Variants in SPHKAP observed in about 807,000 individuals in gnomAD.
SPHKAP encodes SPHK1 interactor, AKAP domain containing.
A neutral mutation model predicts 137.5 loss-of-function variants in SPHKAP; 67 were observed. That is an observed-to-expected ratio of 0.49 (90% CI 0.40 to 0.60). SPHKAP has a LOEUF of 0.60. Among genes scored for constraint, SPHKAP ranks in the 20% least tolerant of loss-of-function variants. SPHKAP has a pLI of 0.00. For synonymous variants in SPHKAP, 813 were observed against 785.3 expected (o/e 1.04, Z -0.59); for missense variants, 2,097 against 2,069.3 (o/e 1.01, Z -0.26).
At position 228,019,072 on chromosome 2, in the gene SPHKAP, C is replaced by T; in HGVS notation, c.1782G>A (p.Glu594=). 1 of 1,614,090 alleles carries T rather than the reference C, an allele frequency of 6.2e-7. No individual in the cohort carries two copies. The highest frequency in any genetic ancestry group is 1.1e-5 in the South Asian group (1 of 91,074). The change falls in exon 7 of 12, where the codon GAG becomes GAA. Residue 594 remains glutamate, a synonymous_variant. Transcript: ENST00000392056. ...AAAGTGGGGGCATGGCTTCAGAAGC[C>T]TCAGCTGCAGGCGGGAGGCTACCAC... ...APSGSLPPAA[E]ASEAMPPLCG... is the part of the protein sequence containing the mutation.
chr2:228,181,445 C>T lies in SPHKAP; in HGVS notation c.32+122G>A. 3 of 1,364,852 alleles carry T rather than the reference C, an allele frequency of 2.2e-6. No homozygotes were observed. The highest frequency in any genetic ancestry group is 2.3e-5 in the South Asian group (2 of 85,602). 84.5% of individuals were successfully genotyped at this position (1,364,852 alleles called of 1,614,324 possible). A position where few individuals can be genotyped will look rare whatever the true frequency, so the allele number is the denominator to read the frequency against. ...GACTTATTTACAAGTGCAGTGACCC[C>T]TGTCTCCTCGCTGGGAGCCCCGTGC... is the stretch of plus-strand genomic sequence containing the variant. On this transcript the variant is annotated intron_variant, in intron 1 of 11. Transcript: ENST00000392056. The surrounding 1 kb of genome is among the most constrained non-coding windows in gnomAD (Gnocchi z 4.3).
chr2:228,097,236 T>C (rs1698015375), intron 3 of SPHKAP, among the ~76,000 whole-genome samples: 1 of 152,206 alleles, frequency 6.6e-6, no homozygotes, highest in African/African-American at 2.4e-5. Context: ...CTTGAAGCTA[T>C]TCTGAGCTAT....
At chr2:228,139,671 G>A (rs955519362) in intron 1 of SPHKAP, among the ~76,000 whole-genome samples, 3 of 152,126 alleles carry the variant, frequency 2.0e-5, no homozygotes, top group Admixed American at 1.3e-4. Flanking sequence ...AAGTGAGCAT[G>A]ATAACTTAGC....
At chr2:228,122,418 C>A (rs548861495) in intron 2 of SPHKAP, among the ~76,000 whole-genome samples, 1 of 152,282 alleles carries the variant, frequency 6.6e-6, no homozygotes, top group Non-Finnish European at 1.5e-5. Flanking sequence ...GGACTGTCAC[C>A]ACTGTACAGA....
intron 2 of SPHKAP, among the ~76,000 whole-genome samples, chr2:228,115,657 T>C (rs1472983701): frequency 2.6e-5 from 4 of 152,158 alleles, no homozygotes; most frequent in South Asian, 2.1e-4. Context: ...TCCATATTTA[T>C]GGAACTTAAT....
intron 1 of SPHKAP, among the ~76,000 whole-genome samples, chr2:228,160,947 CA>C (rs1317504921): frequency 6.6e-6 from 1 of 152,192 alleles, no homozygotes; most frequent in East Asian, 1.9e-4. Flanking sequence ...TCAGATCTGA[CA>C]TTGTGTCAAA....
In SPHKAP at chr2:228,132,057, C is replaced by T. The variant is rs1397800761; in HGVS notation, c.61G>A (p.Val21Ile). The change falls in exon 2 of 12, where the codon GTT (valine) becomes ATT (isoleucine). Residue 21 changes from valine to isoleucine, a missense_variant. Transcript: ENST00000392056. ...SNLESSRMYD[V>I]LEPQQGRGCG... ...CCTCTGCCCTGCTGCGGTTCCAAAA[C>T]GTCATACATCCGTGATGACTCCAAG... 6 of 1,614,004 alleles carry T rather than the reference C, an allele frequency of 3.7e-6. No homozygotes were observed. Among genetic ancestry groups the T allele is most frequent in the Middle Eastern group, 1.7e-4 (1 of 6,058 alleles).
intron 3 of SPHKAP, among the ~76,000 whole-genome samples, chr2:228,055,141 CCAAAA>C (rs1290869014): frequency 3.3e-4 from 37 of 111,884 alleles, no homozygotes; most frequent in Middle Eastern, 5.2e-3. Context: ...AAACTCCACT[CCAAAA>C]AAAAAAAAAA....
chr2:228,142,496 T>G (rs1248886007), intron 1 of SPHKAP, among the ~76,000 whole-genome samples: 10 of 151,322 alleles, frequency 6.6e-5, no homozygotes, highest in Admixed American at 6.6e-4. Context: ...AAGGATTATA[T>G]GTTACTGGGA....
Position 228,017,664 on chromosome 2 carries a change from A to G in SPHKAP, c.3190T>C (p.Tyr1064His). 1 of 1,614,008 alleles carries G rather than the reference A, an allele frequency of 6.2e-7. No homozygotes were observed. The highest frequency in any genetic ancestry group is 1.3e-5 in the African/African-American group (1 of 75,058). Residue 1064 changes from tyrosine (Y) to histidine (H), a missense_variant, in exon 7 of 12, where the codon TAT becomes CAT. Tyr to His is a moderately conservative substitution (Grantham distance 83, BLOSUM62 2). Transcript: ENST00000392056. ...MVDGMWQAQG[Y>H]PRNRLLSGDR... ...CCACTCAGTAACCGATTCCGGGGAT[A>G]GCCCTGCGCCTGCCACATGCCGTCC...
rs536226056 is a variant in SPHKAP, at chr2:227,996,140, G to T, written c.4449-446C>A. ...GGATCATTAGAAAAATACCTACCCC[G>T]TTTCTGGTGCTTTTTACCAAGTCAT... On this transcript the variant is annotated intron_variant, in intron 7 of 11. Coordinates refer to ENST00000392056, the MANE Select transcript of SPHKAP (RefSeq NM_001142644.2). The T allele has an allele frequency of 7.1e-6, 7 of 984,808 alleles. No homozygotes were observed. In the South Asian group the frequency reaches 2.4e-4, roughly 33 times the overall value. The allele number at this position is 984,808 out of a possible 1,614,324, so 61.0% of individuals were successfully genotyped here. A position where few individuals can be genotyped will look rare whatever the true frequency, so the allele number is the denominator to read the frequency against.
Position 228,018,438 on chromosome 2 carries a change from T to C in SPHKAP, c.2416A>G (p.Lys806Glu). ...DKGGVRPGLF[K>E]NPTLQSQLSR... ...AATTGTGACTGCAGCGTGGGGTTCTTGAAGAGGCCTGGCCTCACTCCACCC... is the reference window on the plus strand; with the variant it reads ...AATTGTGACTGCAGCGTGGGGTTCTCGAAGAGGCCTGGCCTCACTCCACCC... The change falls in exon 7 of 12, where the codon AAG becomes GAG. Residue 806 changes from lysine (K) to glutamate (E), a missense_variant. Physicochemically the swap from Lys to Glu is moderately conservative, Grantham distance 56. Transcript: ENST00000392056. 1.2e-6 allele frequency: 2 copies of C among 1,614,062 alleles called. No homozygotes were observed. Among genetic ancestry groups the C allele is most frequent in the Admixed American group, 1.7e-5 (1 of 60,026 alleles).
intron 3 of SPHKAP, among the ~76,000 whole-genome samples, chr2:228,071,111 A>G (rs534716194): frequency 1.3e-4 from 20 of 152,288 alleles, no homozygotes; most frequent in African/African-American, 3.4e-4. Flanking sequence ...GCTGGTGTCT[A>G]TATTTTTTAT....
intron 3 of SPHKAP, among the ~76,000 whole-genome samples, chr2:228,033,525 A>C (rs1310866587): frequency 6.6e-6 from 1 of 152,196 alleles, no homozygotes; most frequent in African/African-American, 2.4e-5. Context: ...TGCAGCAAGC[A>C]GACCTAATAG....
chr2:228,048,468 T>C (rs1696144131), intron 3 of SPHKAP, among the ~76,000 whole-genome samples: 1 of 152,186 alleles, frequency 6.6e-6, no homozygotes, highest in South Asian at 2.1e-4. Flanking sequence ...AATTCTCTTC[T>C]CTTTATCATG....
intron 3 of SPHKAP, among the ~76,000 whole-genome samples, chr2:228,031,608 G>C (rs1249858494): frequency 3.9e-5 from 6 of 152,190 alleles, no homozygotes. Flanking sequence ...CTAACTCGGA[G>C]GCACCCCCCA....
At chr2:228,101,461 G>C (rs1355012925) in intron 3 of SPHKAP, among the ~76,000 whole-genome samples, 5 of 152,222 alleles carry the variant, frequency 3.3e-5, no homozygotes, top group Admixed American at 3.3e-4. Flanking sequence ...GATGTCCAAA[G>C]TTTATTTCAC....
chr2:227,983,501 A>G (rs921695845), intron 11 of SPHKAP, among the ~76,000 whole-genome samples: 1 of 152,184 alleles, frequency 6.6e-6, no homozygotes, highest in Non-Finnish European at 1.5e-5. Context: ...TCCCAGCAGA[A>G]GGACATCTTA....
At chr2:227,994,498 G>A (rs942406142) in intron 8 of SPHKAP, among the ~76,000 whole-genome samples, 1 of 152,120 alleles carries the variant, frequency 6.6e-6, no homozygotes, top group Admixed American at 6.6e-5. Context: ...GGTGAGTGGT[G>A]GTGCGTCGTG....
Sources: gnomAD v4.1 joint callset for allele counts (sites outside exome capture counted in the v4.1 genomes callset) on GRCh38, gnomAD v4.1.1 for gene constraint, Gnocchi (gnomAD v3.1) non-coding constraint, MANE v1.5 for transcripts, NCBI Gene and HGNC (gene_info 2026-07-23, HGNC 2026-07-21) for gene names.